NAA35: variants seen among roughly 807,000 people sequenced by gnomAD.
The protein encoded by NAA35 is MAK10 homolog, amino-acid N-acetyltransferase subunit.
Under a neutral mutation model 101.7 loss-of-function variants are expected in NAA35, and 18 were observed. The observed-to-expected ratio is 0.18, with a 90% CI of 0.12 to 0.26. NAA35 has a LOEUF of 0.26. Ranked by LOEUF, NAA35 falls within the 10% of genes least tolerant of loss-of-function variation. NAA35 has a pLI of 1.00. For synonymous variants in NAA35, 267 were observed against 273.1 expected (o/e 0.98, Z 0.22); for missense variants, 601 against 886.8 (o/e 0.68, Z 4.09).
chr9:85,996,795 C>G (rs1831180475), intron 12 of NAA35, among the ~76,000 whole-genome samples: 1 of 152,110 alleles, frequency 6.6e-6, no homozygotes. Flanking sequence ...GTTTAATCCT[C>G]AAAAGCTTTT....
intron 12 of NAA35, among the ~76,000 whole-genome samples, chr9:85,998,060 G>A (rs7030491): frequency 0.044 from 6,641 of 152,050 alleles, 466 homozygotes; most frequent in African/African-American, 0.15. Context: ...GACTACAGGC[G>A]TCCGCCACCA....
At chr9:85,972,596 G>A (rs755095298) in intron 6 of NAA35, among the ~76,000 whole-genome samples, 182 of 151,340 alleles carry the variant, frequency 1.2e-3, no homozygotes, top group Non-Finnish European at 1.7e-3. Context: ...GAAAAATTAG[G>A]AGACCTGACC....
At chr9:85,972,191 G>A (rs549094891) in intron 6 of NAA35, among the ~76,000 whole-genome samples, 121 of 152,110 alleles carry the variant, frequency 8.0e-4, no homozygotes, top group Middle Eastern at 3.4e-3. Context: ...TTCCTCCACA[G>A]TGTTTGTCTG....
intron 11 of NAA35, among the ~76,000 whole-genome samples, chr9:85,981,174 T>C (rs930439407): frequency 7.9e-5 from 12 of 152,152 alleles, no homozygotes; most frequent in African/African-American, 2.4e-4. Flanking sequence ...GGAGTGTGTT[T>C]ATAGGATGAG....
intron 1 of NAA35, chr9:85,941,777 G>T (rs1828530078): frequency 1.0e-6 from 1 of 992,596 alleles, no homozygotes; most frequent in South Asian, 4.6e-5. Context: ...TGCCGCATGG[G>T]GTCCTGGGCT....
intron 15 of NAA35, among the ~76,000 whole-genome samples, chr9:86,010,569 ATT>A (rs377654981): frequency 0.042 from 5,027 of 118,622 alleles, 305 homozygotes; most frequent in African/African-American, 0.15. Flanking sequence ...TAACCTTAGA[ATT>A]TTTTTTTTTT....
chr9:86,019,017 A>T (rs903515921), intron 21 of NAA35, among the ~76,000 whole-genome samples, 196 bp downstream of exon 21: 1 of 152,362 alleles, frequency 6.6e-6, no homozygotes, highest in Admixed American at 6.5e-5. Context: ...GAATGAGGTG[A>T]TATAAATATC....
intron 3 of NAA35, among the ~76,000 whole-genome samples, chr9:85,957,626 A>G (rs1486908114): frequency 6.6e-6 from 1 of 152,216 alleles, no homozygotes; most frequent in Non-Finnish European, 1.5e-5. Context: ...CCACATGCAA[A>G]CAATAGCACC....
chr9:85,983,259 C>T (rs1326175427), intron 11 of NAA35, among the ~76,000 whole-genome samples: 1 of 152,290 alleles, frequency 6.6e-6, no homozygotes, highest in Middle Eastern at 3.4e-3. Flanking sequence ...TGCTCCTCTC[C>T]TCGCTCCACT....
intron 16 of NAA35, 107 bp from the exon 17 acceptor site, chr9:86,013,612 A>G: frequency 9.5e-7 from 1 of 1,048,064 alleles, no homozygotes; most frequent in East Asian, 2.4e-5. Flanking sequence ...GGGTGGTCAG[A>G]TTTAAATTTT....
chr9:85,979,455 G>A (rs191935493), intron 11 of NAA35, among the ~76,000 whole-genome samples: 70 of 152,290 alleles, frequency 4.6e-4, no homozygotes, highest in Non-Finnish European at 7.9e-4. Context: ...ACCAGTAAAA[G>A]CATGCCAGGG....
At chr9:85,967,257 T>C (rs1829786967) in intron 6 of NAA35, among the ~76,000 whole-genome samples, 1 of 152,188 alleles carries the variant, frequency 6.6e-6, no homozygotes, top group South Asian at 2.1e-4. Flanking sequence ...ATATTGAGTA[T>C]GTAGTTATTA....
intron 11 of NAA35, among the ~76,000 whole-genome samples, chr9:85,993,909 A>G (rs902228969): frequency 1.3e-5 from 2 of 152,138 alleles, no homozygotes; most frequent in Admixed American, 6.5e-5. Context: ...CCTGTACTCA[A>G]GCTGTCCTCC....
chr9:86,015,389 G>A (rs1339464165), intron 17 of NAA35, among the ~76,000 whole-genome samples: 2 of 152,034 alleles, frequency 1.3e-5, no homozygotes, highest in African/African-American at 4.8e-5. Flanking sequence ...ATTTCCCCGA[G>A]ATAACCTTTA....
intron 11 of NAA35, among the ~76,000 whole-genome samples, chr9:85,992,230 G>A (rs1389784699): frequency 6.6e-6 from 1 of 151,674 alleles, no homozygotes; most frequent in South Asian, 2.1e-4. Flanking sequence ...ATATCAGTTG[G>A]ATATAGAAAA....
At chr9:86,000,179 T>C (rs149215123) in intron 12 of NAA35, among the ~76,000 whole-genome samples, 162 of 152,288 alleles carry the variant, frequency 1.1e-3, no homozygotes, top group African/African-American at 3.6e-3. Context: ...TTTAGTTCTG[T>C]TTATGTGATG....
At chr9:86,007,574 A>C in intron 14 of NAA35, 110 bp downstream of exon 14, 9 of 709,138 alleles carry the variant, frequency 1.3e-5, no homozygotes, top group Non-Finnish European at 2.2e-5. Context: ...CCAAATCTCC[A>C]TGTAAAGTAA....
At chr9:85,973,878 GTTT>G (rs967776331) in intron 6 of NAA35, among the ~76,000 whole-genome samples, 18 of 144,622 alleles carry the variant, frequency 1.2e-4, no homozygotes, top group African/African-American at 2.3e-4. Flanking sequence ...GATGCTCACT[GTTT>G]TTTTTTTTAA....
intron 11 of NAA35, chr9:85,986,987 A>T (rs1037540733): frequency 6.4e-6 from 1 of 155,510 alleles, no homozygotes; most frequent in African/African-American, 2.4e-5. Context: ...ATGAGCCAAA[A>T]AAAGAAAAAA....
Sources: gnomAD v4.1 joint callset for allele counts (sites outside exome capture counted in the v4.1 genomes callset) on GRCh38, gnomAD v4.1.1 for gene constraint, MANE v1.5 for transcripts, NCBI Gene and HGNC (gene_info 2026-07-23, HGNC 2026-07-21) for gene names.